Variants in MYPN observed in about 807,000 individuals in gnomAD.
MYPN encodes the protein myopalladin, also known as sarcomeric protein myopalladin, 145 kDa (MYOP).
MYPN carries 63 observed loss-of-function variants against 129.4 expected under a neutral mutation model. The observed-to-expected ratio is 0.49, with a 90% CI of 0.40 to 0.60. MYPN has a LOEUF of 0.60. Among genes scored for constraint, MYPN ranks in the 20% least tolerant of loss-of-function variants. The pLI is 0.00. For missense variants in MYPN, 1,596 were observed against 1,635.4 expected, an observed-to-expected ratio of 0.98 and a Z score of 0.42; for synonymous variants, 629 against 600.9, an observed-to-expected ratio of 1.05 and a Z score of -0.68.
At chr10:68,185,925 A>G (rs116403189) in intron 12 of MYPN, among the ~76,000 whole-genome samples, 7,934 of 152,292 alleles carry the variant, frequency 0.052, 241 homozygotes, top group Middle Eastern at 0.065. Flanking sequence ...AAATGTAGTC[A>G]TTGTGAAGAA....
chr10:68,099,785 C>T (rs943152230), intron 1 of MYPN, among the ~76,000 whole-genome samples: 2 of 152,172 alleles, frequency 1.3e-5, no homozygotes, highest in African/African-American at 4.8e-5. Flanking sequence ...CTTGGAAACA[C>T]TTTGGAGGAA....
Position 68,091,076 on chromosome 10 carries a change from G to A in MYPN, c.-2+3084G>A, listed in dbSNP as rs148890132. On this transcript the variant is annotated intron_variant, in intron 1 of 6. Coordinates refer to the MYPN transcript ENST00000685154. The stretch of plus-strand genomic sequence containing the variant: ...TAAAGCAAACCAAACAGCATGTTAT[G>A]TTAAAAATCAGCTTTTCTTTTCTTT... Among the ~76,000 whole-genome samples the A allele has an allele frequency of 3.2e-4, 48 of 152,278 alleles. No individual in the cohort carries two copies. In the East Asian group the frequency reaches 8.5e-3, roughly 27 times the overall value.
At chr10:68,179,314 G>A (rs981613241) in intron 12 of MYPN, among the ~76,000 whole-genome samples, 18 of 152,132 alleles carry the variant, frequency 1.2e-4, no homozygotes, top group African/African-American at 4.3e-4. Flanking sequence ...CTTGGCTGCT[G>A]GGATAGTGAA....
rs559650259 is a variant in MYPN at position 68,190,280 on chromosome 10, A to G, written c.2925+1154A>G. Among the ~76,000 whole-genome samples the G allele has an allele frequency of 5.9e-5, 9 of 152,220 alleles. No individual in the cohort carries two copies. In the South Asian group the frequency reaches 1.9e-3, roughly 32 times the overall value. On this transcript the variant is annotated intron_variant, in intron 13 of 19. Coordinates refer to ENST00000358913, the MANE Select transcript of MYPN (RefSeq NM_032578.4). Reference sequence around the variant, plus strand: ...TGGCTCACTGCAACCTCTGCCTCCCAGGTTCAAGCAATTCTCGTGCCTCAG... The same window carrying G: ...TGGCTCACTGCAACCTCTGCCTCCCGGGTTCAAGCAATTCTCGTGCCTCAG...
intron 2 of MYPN, chr10:68,136,412 G>A (rs899338456): frequency 5.5e-6 from 5 of 906,800 alleles, no homozygotes; most frequent in Admixed American, 8.3e-5. Context: ...CACCGGTCAG[G>A]GCATTTCTAT....
intron 6 of MYPN, among the ~76,000 whole-genome samples, chr10:68,155,285 G>A (rs1383877944): frequency 6.6e-6 from 1 of 152,152 alleles, no homozygotes; most frequent in Non-Finnish European, 1.5e-5. Flanking sequence ...AGTATCTTTA[G>A]GAGGAATAGA....
intron 1 of MYPN, among the ~76,000 whole-genome samples, chr10:68,110,264 T>A (rs2042063862): frequency 6.6e-6 from 1 of 152,138 alleles, no homozygotes; most frequent in Non-Finnish European, 1.5e-5. Context: ...TCTCTCTCTC[T>A]CTCTCTCTCC....
intron 6 of MYPN, among the ~76,000 whole-genome samples, chr10:68,152,946 T>A (rs1426873599): frequency 2.7e-5 from 4 of 149,454 alleles, no homozygotes; most frequent in African/African-American, 9.8e-5. Flanking sequence ...ACATTTATTT[T>A]ATTTTATGTT....
chr10:68,187,961 C>T (rs2043447396), intron 12 of MYPN, among the ~76,000 whole-genome samples: 1 of 152,104 alleles, frequency 6.6e-6, no homozygotes, highest in Non-Finnish European at 1.5e-5. Flanking sequence ...AGAAAAAGAA[C>T]ACAAGACTAA....
At position 68,174,280 on chromosome 10, in the gene MYPN, A is replaced by G. The variant is rs765936568; in HGVS notation, c.2188A>G (p.Thr730Ala). ...CCGGCCGAAGTATTTCTTCCCCTCC[A>G]CGAACACCACCGCAGCAACTGTGGC... ...LARPKYFFPS[T>A]NTTAATVAPS... The change falls in exon 11 of 20, where the codon ACG becomes GCG. Residue 730 changes from threonine to alanine, a missense_variant. Physicochemically the swap from Thr to Ala is moderately conservative, Grantham distance 58. Transcript: ENST00000358913. 3 of 1,614,064 alleles carry G rather than the reference A, an allele frequency of 1.9e-6. No individual in the cohort carries two copies. Among genetic ancestry groups the G allele is most frequent in the Admixed American group, 1.7e-5 (1 of 60,002 alleles).
At chr10:68,165,175 G>A (rs765194022) in intron 8 of MYPN, among the ~76,000 whole-genome samples, 16 of 151,564 alleles carry the variant, frequency 1.1e-4, no homozygotes, top group Non-Finnish European at 1.6e-4. Flanking sequence ...TTGTCAGGCC[G>A]GGCATGGGGG....
chr10:68,096,627 G>A (rs566251121), intron 1 of MYPN, among the ~76,000 whole-genome samples: 3 of 152,244 alleles, frequency 2.0e-5, no homozygotes, highest in Admixed American at 6.5e-5. Context: ...AAACATCACC[G>A]TTCCTTTGTA....
At chr10:68,194,651 T>G in intron 14 of MYPN, 139 bp downstream of exon 14, 1 of 1,005,218 alleles carries the variant, frequency 9.9e-7, no homozygotes, top group South Asian at 1.4e-5. Context: ...TTTGTGTAAC[T>G]AGGGCACAGC....
intron 1 of MYPN, among the ~76,000 whole-genome samples, chr10:68,096,235 T>A (rs17456562): frequency 0.11 from 17,025 of 152,254 alleles, 987 homozygotes; most frequent in Middle Eastern, 0.17. Flanking sequence ...CAGTATTGAC[T>A]TGCCGTGTAA....
At chr10:68,122,857 G>A (rs1452465593) in intron 2 of MYPN, among the ~76,000 whole-genome samples, 1 of 152,020 alleles carries the variant, frequency 6.6e-6, no homozygotes, top group African/African-American at 2.4e-5. Context: ...AGCCGAGATC[G>A]CGCCACTGCT....
At chr10:68,206,517 G>T (rs2043818028) in intron 18 of MYPN, among the ~76,000 whole-genome samples, 1 of 152,096 alleles carries the variant, frequency 6.6e-6, no homozygotes, top group Non-Finnish European at 1.5e-5. Flanking sequence ...GAAAATTGGG[G>T]GTTCTGCTGG....
intron 12 of MYPN, among the ~76,000 whole-genome samples, chr10:68,185,268 AAAG>A (rs983095645): frequency 1.5e-4 from 22 of 151,356 alleles, no homozygotes; most frequent in African/African-American, 3.9e-4. Flanking sequence ...AAAGAGAAAA[AAAG>A]AAAGAAAGAA....
Position 68,132,032 on chromosome 10 carries a change from C to T in MYPN, c.902+9692C>T, listed in dbSNP as rs112195782. Among the ~76,000 whole-genome samples the T allele has an allele frequency of 1.7e-3, 259 of 152,180 alleles. 1 individual carries two copies. Among genetic ancestry groups the T allele is most frequent in the Middle Eastern group, 6.8e-3 (2 of 294 alleles). ...CATTATTTTTGCTGTTTTGAGCTTGCTAAATCCTTTGGTACAATGTTGGAC... is the reference window on the plus strand; with the variant it reads ...CATTATTTTTGCTGTTTTGAGCTTGTTAAATCCTTTGGTACAATGTTGGAC... On this transcript the variant is annotated intron_variant, in intron 2 of 19. Transcript: ENST00000358913.
intron 6 of MYPN, among the ~76,000 whole-genome samples, chr10:68,150,918 T>G (rs1452699393): frequency 1.3e-5 from 2 of 152,228 alleles, no homozygotes; most frequent in African/African-American, 4.8e-5. Flanking sequence ...AAATAGATTT[T>G]ATCCTCTTTG....
Sources: gnomAD v4.1 joint callset for allele counts (sites outside exome capture counted in the v4.1 genomes callset) on GRCh38, gnomAD v4.1.1 for gene constraint, MANE v1.5 for transcripts, NCBI Gene and HGNC (gene_info 2026-07-23, HGNC 2026-07-21) for gene names.